Variants in SGPP1 observed in about 807,000 individuals in gnomAD.
The protein encoded by SGPP1 is sphingosine-1-phosphate phosphatase 1.
In SGPP1, 21 loss-of-function variants were observed where a neutral mutation model predicts 33.0. The ratio of observed to expected loss-of-function variants is 0.64; its 90% CI spans 0.45 to 0.92. The LOEUF is 0.92. SGPP1 is among the 40% of genes least tolerant of loss of function. The pLI, the probability that SGPP1 is intolerant of heterozygous loss-of-function variation, is 0.00. For synonymous variants in SGPP1, 239 were observed against 241.2 expected (o/e 0.99, Z 0.08); for missense variants, 543 against 589.4 (o/e 0.92, Z 0.81).
Position 63,698,664 on chromosome 14 carries a change from G to C in SGPP1, c.685-6C>G. On this transcript the variant is annotated splice_region_variant and splice_polypyrimidine_tract_variant and intron_variant, in intron 1 of 2. Transcript: ENST00000247225. ...AGTCCATATATAAGAGGGTACTAAA[G>C]GGGAAAAAAAGTAAAATTAGTTAAA... is the stretch of plus-strand genomic sequence containing the variant. 2 of 1,533,794 alleles carry C rather than the reference G, an allele frequency of 1.3e-6. No homozygotes were observed. The highest frequency in any genetic ancestry group is 1.8e-6 in the Non-Finnish European group (2 of 1,136,088).
intron 2 of SGPP1, among the ~76,000 whole-genome samples, chr14:63,697,564 G>A (rs1265568338): frequency 6.6e-6 from 1 of 152,194 alleles, no homozygotes; most frequent in Non-Finnish European, 1.5e-5. Flanking sequence ...CACAGTTGCT[G>A]TTCTCAAGGA....
chr14:63,698,452 C>T (rs1328253712), intron 2 of SGPP1, 117 bp downstream of exon 2: 6 of 498,694 alleles, frequency 1.2e-5, no homozygotes, highest in African/African-American at 8.0e-5. Flanking sequence ...CAAAGTTAGA[C>T]GACTTACAAT....
intron 1 of SGPP1, among the ~76,000 whole-genome samples, chr14:63,726,193 T>C (rs1249656777): frequency 2.0e-5 from 3 of 152,226 alleles, no homozygotes; most frequent in African/African-American, 7.2e-5. Context: ...CTTATCATAA[T>C]GGAGTTTTAC....
At chr14:63,722,048 G>T (rs1354495098) in intron 1 of SGPP1, among the ~76,000 whole-genome samples, 1 of 152,094 alleles carries the variant, frequency 6.6e-6, no homozygotes, top group Non-Finnish European at 1.5e-5. Flanking sequence ...TGCTGAGTCA[G>T]TCTGAGCCCC....
At position 63,685,762 on chromosome 14, in the gene SGPP1, G is replaced by A. The variant is rs1884958117; in HGVS notation, c.*343C>T. 6.8e-6 allele frequency: 1 copy of A among 148,110 alleles called. No homozygotes were observed. Among genetic ancestry groups the A allele is most frequent in the Non-Finnish European group, 1.5e-5 (1 of 67,228 alleles). The allele number at this position is 148,110 out of a possible 1,614,324, so 9.2% of individuals were successfully genotyped here. On this transcript the variant is annotated 3_prime_UTR_variant, in exon 3 of 3. Transcript: ENST00000247225. ...CTCCCATAGTTTAAAAAAACACTTA[G>A]GTATATTATTTTATATATAATATAT...
chr14:63,707,841 A>G (rs1566822177), intron 1 of SGPP1, among the ~76,000 whole-genome samples: 1 of 150,290 alleles, frequency 6.7e-6, no homozygotes, highest in East Asian at 1.9e-4. Flanking sequence ...TTCTGTGCAG[A>G]TTTTTTTTTT....
intron 2 of SGPP1, among the ~76,000 whole-genome samples, chr14:63,697,713 AG>A (rs1885214651): frequency 6.6e-6 from 1 of 152,218 alleles, no homozygotes; most frequent in Non-Finnish European, 1.5e-5. Context: ...GAATATCTAT[AG>A]TGAGTCTTGA....
intron 1 of SGPP1, among the ~76,000 whole-genome samples, chr14:63,723,718 C>CA (rs56362339): frequency 0.077 from 10,145 of 131,396 alleles, 646 homozygotes; most frequent in African/African-American, 0.19. Context: ...GATTTCGTCT[C>CA]AAAAAAAAAA....
intron 1 of SGPP1, among the ~76,000 whole-genome samples, chr14:63,718,782 C>T (rs987759124): frequency 2.7e-5 from 4 of 150,064 alleles, no homozygotes; most frequent in Non-Finnish European, 5.9e-5. Context: ...AAGTAAAATA[C>T]CAATAATCTA....
At chr14:63,722,802 T>TAACA (rs925681233) in intron 1 of SGPP1, among the ~76,000 whole-genome samples, 4 of 151,070 alleles carry the variant, frequency 2.6e-5, no homozygotes, top group South Asian at 2.1e-4. Context: ...CCCGTCTCTA[T>TAACA]AACAAACAAA....
In SGPP1 at chr14:63,727,375, G is replaced by C. The variant is rs1303483775; in HGVS notation, c.570C>G (p.Pro190=). 1.9e-6 allele frequency: 3 copies of C among 1,614,188 alleles called. No homozygotes were observed. Among genetic ancestry groups the C allele is most frequent in the African/African-American group, 2.7e-5 (2 of 75,064 alleles). ...IIRWPRPASP[P]VVKLEVFYNS... Reference sequence around the variant, plus strand: ...TGTAGAAGACCTCCAACTTGACCACGGGCGGCGAGGCGGGCCTCGGCCAGC... The same window carrying C: ...TGTAGAAGACCTCCAACTTGACCACCGGCGGCGAGGCGGGCCTCGGCCAGC... The change falls in exon 1 of 3, where the codon CCC becomes CCG. Residue 190 remains proline, a synonymous_variant. Coordinates refer to ENST00000247225, the MANE Select transcript of SGPP1 (RefSeq NM_030791.4).
At chr14:63,699,585 A>G (rs536463565) in intron 1 of SGPP1, among the ~76,000 whole-genome samples, 1 of 152,274 alleles carries the variant, frequency 6.6e-6, no homozygotes, top group South Asian at 2.1e-4. Context: ...TTTTTTAGAA[A>G]GACAGGGTCT....
At chr14:63,690,709 T>TTTTA (rs987068335) in intron 2 of SGPP1, among the ~76,000 whole-genome samples, 2 of 152,116 alleles carry the variant, frequency 1.3e-5, no homozygotes, top group Admixed American at 6.6e-5. Context: ...TAAGAAAATA[T>TTTTA]TTTATTTATT....
At chr14:63,714,924 T>G (rs1357060373) in intron 1 of SGPP1, among the ~76,000 whole-genome samples, 1 of 151,724 alleles carries the variant, frequency 6.6e-6, no homozygotes, top group Non-Finnish European at 1.5e-5. Flanking sequence ...TGATGGAATT[T>G]CACCATGGTG....
chr14:63,716,259 G>A (rs904252052), intron 1 of SGPP1, among the ~76,000 whole-genome samples: 3 of 152,084 alleles, frequency 2.0e-5, no homozygotes, highest in Admixed American at 6.6e-5. Flanking sequence ...TTTGGGAAAC[G>A]GGGGTGAGAG....
chr14:63,704,388 A>AT (rs1256773494), intron 1 of SGPP1, among the ~76,000 whole-genome samples: 1 of 152,240 alleles, frequency 6.6e-6, no homozygotes, highest in Non-Finnish European at 1.5e-5. Context: ...CTGATTTTCA[A>AT]TAAGAATGCC....
chr14:63,720,766 AAAAC>A (rs1245447149), intron 1 of SGPP1, among the ~76,000 whole-genome samples: 5 of 152,166 alleles, frequency 3.3e-5, no homozygotes, highest in Non-Finnish European at 7.4e-5. Context: ...ACTCCGTCTC[AAAAC>A]AAACAAACAA....
chr14:63,694,952 A>T (rs184847614), intron 2 of SGPP1, among the ~76,000 whole-genome samples: 44 of 152,168 alleles, frequency 2.9e-4, no homozygotes, highest in African/African-American at 9.6e-4. Flanking sequence ...AAATTTGAAA[A>T]TTTTTTTCAT....
chr14:63,718,214 T>C (rs1211721474), intron 1 of SGPP1, among the ~76,000 whole-genome samples: 2 of 149,436 alleles, frequency 1.3e-5, no homozygotes, highest in South Asian at 2.1e-4. Flanking sequence ...GGCCACTGTA[T>C]GCCATCCTGG....
Sources: allele counts gnomAD v4.1 joint callset (sites outside exome capture counted in the v4.1 genomes callset), GRCh38; gene constraint gnomAD v4.1.1; transcripts MANE v1.5; gene names NCBI Gene and HGNC (gene_info 2026-07-23, HGNC 2026-07-21).